C8orf34: variants seen among roughly 807,000 people sequenced by gnomAD.
C8orf34 encodes the protein chromosome 8 open reading frame 34.
Under a neutral mutation model 68.3 loss-of-function variants are expected in C8orf34, and 65 were observed. The observed-to-expected ratio is 0.95, with a 90% CI of 0.78 to 1.17. C8orf34 has a LOEUF of 1.17. Among genes scored for constraint, C8orf34 ranks in the 50% most tolerant of loss-of-function variants. The probability of loss-of-function intolerance (pLI) is 0.00; values close to 1 mark genes in which losing one functional copy is unlikely to be tolerated. For synonymous variants in C8orf34, 244 were observed against 241.2 expected, an observed-to-expected ratio of 1.01 and a Z score of -0.11; for missense variants, 664 against 655.4, an observed-to-expected ratio of 1.01 and a Z score of -0.14.
intron 12 of C8orf34, among the ~76,000 whole-genome samples, chr8:68,794,772 C>A (rs1273011326): frequency 3.3e-5 from 5 of 151,746 alleles, no homozygotes; most frequent in Non-Finnish European, 7.4e-5. Flanking sequence ...CAGACATGAG[C>A]CACATGCCTA....
intron 6 of C8orf34, among the ~76,000 whole-genome samples, chr8:68,529,418 G>A (rs767150624): frequency 6.6e-6 from 1 of 151,994 alleles, no homozygotes; most frequent in Non-Finnish European, 1.5e-5. Flanking sequence ...TATTTTCCTC[G>A]CAATCCGTAT....
intron 8 of C8orf34, among the ~76,000 whole-genome samples, chr8:68,685,063 G>A (rs1240617825): frequency 6.6e-6 from 1 of 152,054 alleles, no homozygotes; most frequent in Non-Finnish European, 1.5e-5. Flanking sequence ...TGTACCAGAT[G>A]TTTTAACTCT....
chr8:68,743,315 C>A (rs1013666373), intron 10 of C8orf34, among the ~76,000 whole-genome samples: 1 of 152,128 alleles, frequency 6.6e-6, no homozygotes, highest in Non-Finnish European at 1.5e-5. Flanking sequence ...GCTTTTACAA[C>A]TTTGTTGAGG....
intron 12 of C8orf34, chr8:68,791,633 A>G (rs1004332528): frequency 2.0e-5 from 3 of 152,252 alleles, no homozygotes; most frequent in African/African-American, 7.2e-5. Flanking sequence ...AAATGTCCCA[A>G]ATAAAGAAAT....
At chr8:68,499,234 C>T (rs1382732550) in intron 5 of C8orf34, among the ~76,000 whole-genome samples, 1 of 152,098 alleles carries the variant, frequency 6.6e-6, no homozygotes, top group African/African-American at 2.4e-5. Flanking sequence ...CAGCTGCATC[C>T]ATGTTGTTGC....
At chr8:68,561,709 G>C (rs1816433892) in intron 7 of C8orf34, among the ~76,000 whole-genome samples, 1 of 152,170 alleles carries the variant, frequency 6.6e-6, no homozygotes, top group South Asian at 2.1e-4. Context: ...AGTGAGCCAA[G>C]ACTGCGACAC....
intron 11 of C8orf34, among the ~76,000 whole-genome samples, chr8:68,785,549 A>T (rs1823821377): frequency 6.6e-6 from 1 of 152,020 alleles, no homozygotes; most frequent in Admixed American, 6.5e-5. Context: ...TACAAACTCC[A>T]CTCATTTTCA....
chr8:68,460,685 T>C (rs1302201758), intron 3 of C8orf34, among the ~76,000 whole-genome samples: 1 of 152,088 alleles, frequency 6.6e-6, no homozygotes, highest in Non-Finnish European at 1.5e-5. Flanking sequence ...GCAAACAGGG[T>C]CTGGAGTGGA....
chr8:68,812,817 C>T (rs1824694165), intron 12 of C8orf34, among the ~76,000 whole-genome samples: 1 of 152,140 alleles, frequency 6.6e-6, no homozygotes, highest in African/African-American at 2.4e-5. Flanking sequence ...ACCTCAGTCT[C>T]TATCTTTATC....
chr8:68,428,868 G>A (rs990341245), intron 1 of C8orf34, among the ~76,000 whole-genome samples: 1 of 152,124 alleles, frequency 6.6e-6, no homozygotes, highest in Non-Finnish European at 1.5e-5. Flanking sequence ...AAACGAATGA[G>A]TGTGGGATGA....
At chr8:68,610,861 G>GTTTTGTT (rs1817997050) in intron 7 of C8orf34, among the ~76,000 whole-genome samples, 1 of 120,472 alleles carries the variant, frequency 8.3e-6, no homozygotes, top group African/African-American at 3.5e-5. Context: ...TGAATCTTTG[G>GTTTTGTT]TTTTTTTTTT....
intron 10 of C8orf34, among the ~76,000 whole-genome samples, chr8:68,765,487 G>A (rs72668527): frequency 0.29 from 43,363 of 151,902 alleles, 6,650 homozygotes; most frequent in African/African-American, 0.39. Flanking sequence ...ACCTTTCAAA[G>A]TGTCCTAGAG....
At chr8:68,655,793 A>C (rs1819495819) in intron 8 of C8orf34, among the ~76,000 whole-genome samples, 1 of 152,222 alleles carries the variant, frequency 6.6e-6, no homozygotes, top group South Asian at 2.1e-4. Context: ...CCACAACAAC[A>C]ATAGCAAGAT....
At chr8:68,450,558 G>T (rs1586164400) in intron 3 of C8orf34, among the ~76,000 whole-genome samples, 1 of 152,114 alleles carries the variant, frequency 6.6e-6, no homozygotes, top group East Asian at 1.9e-4. Flanking sequence ...CTGCAGAATA[G>T]ATATTGTGTT....
intron 12 of C8orf34, among the ~76,000 whole-genome samples, chr8:68,807,652 C>T (rs1228305785): frequency 6.6e-6 from 1 of 151,958 alleles, no homozygotes; most frequent in Admixed American, 6.6e-5. Flanking sequence ...GAACACATGG[C>T]CTTGTCATCA....
At chr8:68,774,447 A>G (rs1036832226) in intron 10 of C8orf34, among the ~76,000 whole-genome samples, 2 of 151,770 alleles carry the variant, frequency 1.3e-5, no homozygotes, top group African/African-American at 4.9e-5. Flanking sequence ...ATTTATATGA[A>G]CTTAATTTTT....
At chr8:68,591,691 C>T (rs954410819) in intron 7 of C8orf34, among the ~76,000 whole-genome samples, 2 of 152,192 alleles carry the variant, frequency 1.3e-5, no homozygotes, top group Non-Finnish European at 2.9e-5. Context: ...TTCCCAAACA[C>T]ATGTCATGTG....
At chr8:68,483,732 A>G (rs548166912) in intron 4 of C8orf34, among the ~76,000 whole-genome samples, 6 of 152,342 alleles carry the variant, frequency 3.9e-5, no homozygotes, top group South Asian at 2.1e-4. Flanking sequence ...GGAAAGGCCT[A>G]TAAATTAAAT....
intron 9 of C8orf34, among the ~76,000 whole-genome samples, chr8:68,713,592 T>A (rs546091391): frequency 6.6e-6 from 1 of 152,006 alleles, no homozygotes; most frequent in Admixed American, 6.6e-5. Flanking sequence ...ACAACCCTCC[T>A]AGATTAAACC....
Sources: allele counts gnomAD v4.1 joint callset (sites outside exome capture counted in the v4.1 genomes callset), GRCh38; gene constraint gnomAD v4.1.1; transcripts MANE v1.5; gene names NCBI Gene and HGNC (gene_info 2026-07-23, HGNC 2026-07-21).